PLSCR4: variants seen among roughly 807,000 people sequenced by gnomAD.
PLSCR4 encodes the protein phospholipid scramblase 4.
A neutral mutation model predicts 36.3 loss-of-function variants in PLSCR4; 25 were observed. That is an observed-to-expected ratio of 0.69 (90% CI 0.50 to 0.96). The LOEUF (loss-of-function observed/expected upper bound fraction) is 0.96. Among genes scored for constraint, PLSCR4 ranks in the 40% least tolerant of loss-of-function variants. PLSCR4 has a pLI of 0.00. For missense variants in PLSCR4, 408 were observed against 414.7 expected (o/e 0.98, Z 0.14); for synonymous variants, 122 against 132.9 (o/e 0.92, Z 0.56).
intron 1 of PLSCR4, among the ~76,000 whole-genome samples, chr3:146,237,745 A>T (rs2035976266): frequency 6.6e-6 from 1 of 152,038 alleles, no homozygotes; most frequent in South Asian, 2.1e-4. Context: ...AATAAAAATA[A>T]TTTTAAAGAA....
intron 1 of PLSCR4, among the ~76,000 whole-genome samples, chr3:146,228,707 T>G (rs2035578463): frequency 9.0e-6 from 1 of 111,228 alleles, no homozygotes; most frequent in Non-Finnish European, 2.0e-5. Context: ...TAGTGTTCAT[T>G]CTATCAACAT....
intron 3 of PLSCR4, among the ~76,000 whole-genome samples, chr3:146,208,726 C>T (rs986751421): frequency 2.0e-5 from 3 of 152,076 alleles, no homozygotes; most frequent in African/African-American, 7.2e-5. Flanking sequence ...ACCCCTTATT[C>T]CTGCAAGAAT....
In PLSCR4 at chr3:146,206,779, C is replaced by CAA; in HGVS notation, c.119-20_119-19dup. On this transcript the variant is annotated intron_variant, in intron 3 of 8. Coordinates refer to ENST00000354952, the MANE Select transcript of PLSCR4 (RefSeq NM_020353.3). ...AGGGGGTCCTGTGTTCAAAAGAAATCAAAGTGTTATATATTATTAACACTA... is the reference window on the plus strand; with the variant it reads ...AGGGGGTCCTGTGTTCAAAAGAAATCAAAAAGTGTTATATATTATTAACACTA... The CAA allele has an allele frequency of 6.8e-7, 1 of 1,478,972 alleles. No homozygotes were observed. 91.6% of individuals were successfully genotyped at this position (1,478,972 alleles called of 1,614,324 possible).
At chr3:146,213,460 T>C (rs1481872507) in intron 3 of PLSCR4, among the ~76,000 whole-genome samples, 2 of 151,486 alleles carry the variant, frequency 1.3e-5, no homozygotes, top group East Asian at 3.9e-4. Context: ...GTGTCCCAAG[T>C]AGCTGGGATT....
chr3:146,206,824 C>T, intron 3 of PLSCR4, 63 bp from the exon 4 acceptor site: 1 of 1,027,754 alleles, frequency 9.7e-7, no homozygotes, highest in Admixed American at 2.3e-5. Flanking sequence ...TAACTTTTTA[C>T]ATGCGATGAA....
chr3:146,221,472 A>C (rs765025573), intron 2 of PLSCR4, among the ~76,000 whole-genome samples: 10 of 152,190 alleles, frequency 6.6e-5, no homozygotes, highest in African/African-American at 1.9e-4. Context: ...TTCTAAAAGC[A>C]ATCTAGGTCA....
chr3:146,194,767 A>G (rs1438641253), intron 8 of PLSCR4, among the ~76,000 whole-genome samples: 1 of 152,186 alleles, frequency 6.6e-6, no homozygotes. Flanking sequence ...CATCCACTTT[A>G]GAGTTATTTC....
At chr3:146,204,419 C>A (rs1435301847) in intron 4 of PLSCR4, among the ~76,000 whole-genome samples, 1 of 151,934 alleles carries the variant, frequency 6.6e-6, no homozygotes, top group Non-Finnish European at 1.5e-5. Context: ...ACCCTTATCT[C>A]ATTAAAAATT....
In PLSCR4 at chr3:146,210,239, A is replaced by G. The variant is rs2034547754; in HGVS notation, c.119-3478T>C. ...ATATTTTTAATCCACACTTTTTTGA[A>G]TCCATGGATGAAGAATTCACAAATA... On this transcript the variant is annotated intron_variant, in intron 3 of 8. Transcript: ENST00000354952. Among the ~76,000 whole-genome samples the G allele has an allele frequency of 3.3e-5, 5 of 151,958 alleles. No homozygotes were observed. In the South Asian group the frequency reaches 1.0e-3, roughly 32 times the overall value.
At chr3:146,244,059 C>A (rs2036254627) in intron 1 of PLSCR4, among the ~76,000 whole-genome samples, 1 of 152,042 alleles carries the variant, frequency 6.6e-6, no homozygotes, top group Non-Finnish European at 1.5e-5. Context: ...TACTGTTAAG[C>A]ACTTATTTGT....
chr3:146,222,003 AAAT>A, intron 2 of PLSCR4, 59 bp downstream of exon 2: 2 of 1,004,016 alleles, frequency 2.0e-6, no homozygotes, highest in African/African-American at 1.7e-5. Context: ...CCTTTAGGGA[AAAT>A]AATCACAAAA....
intron 7 of PLSCR4, 70 bp downstream of exon 7, chr3:146,196,562 C>G (rs1426530105): frequency 2.8e-6 from 4 of 1,448,838 alleles, no homozygotes; most frequent in Non-Finnish European, 3.9e-6. Context: ...ATGTCTACAA[C>G]CAGATCTTTC....
chr3:146,243,495 G>A (rs75085542), intron 1 of PLSCR4, among the ~76,000 whole-genome samples: 2,562 of 152,266 alleles, frequency 0.017, 77 homozygotes, highest in African/African-American at 0.058. Flanking sequence ...ATAAAATGCT[G>A]TATAGACTAA....
At chr3:146,208,150 T>C (rs1318222273) in intron 3 of PLSCR4, among the ~76,000 whole-genome samples, 3 of 152,088 alleles carry the variant, frequency 2.0e-5, no homozygotes, top group African/African-American at 7.2e-5. Flanking sequence ...AACTGATCTT[T>C]GACAAAGCAA....
Position 146,234,375 on chromosome 3 carries a change from T to C in PLSCR4, c.-21-12283A>G, listed in dbSNP as rs74603091. On this transcript the variant is annotated intron_variant, in intron 1 of 8. Transcript: ENST00000354952. ...TGGAAAATTCACAGTTTTTAAAAAATTTTTTTTATTTTCTCCATTCTGTCA... is the reference window on the plus strand; with the variant it reads ...TGGAAAATTCACAGTTTTTAAAAAACTTTTTTTATTTTCTCCATTCTGTCA... Among the ~76,000 whole-genome samples, 577 of 152,120 alleles carry C rather than the reference T, an allele frequency of 3.8e-3. 1 individual carries two copies. Among genetic ancestry groups the C allele is most frequent in the Non-Finnish European group, 6.2e-3 (425 of 68,004 alleles).
rs972205922 is a variant in PLSCR4, at chr3:146,192,481, A to G, written c.*1930T>C. On this transcript the variant is annotated 3_prime_UTR_variant, in exon 9 of 9. Transcript: ENST00000354952. ...CATTAAGAAACATAGAAATCATGTGAATTGTATTAAAACTATGACATATGA... is the reference window on the plus strand; with the variant it reads ...CATTAAGAAACATAGAAATCATGTGGATTGTATTAAAACTATGACATATGA... The G allele has an allele frequency of 2.6e-5, 4 of 151,406 alleles. No individual in the cohort carries two copies. The highest frequency in any genetic ancestry group is 4.4e-5 in the Non-Finnish European group (3 of 67,818). 9.4% of individuals were successfully genotyped at this position (151,406 alleles called of 1,614,324 possible). A position where few individuals can be genotyped will look rare whatever the true frequency, so the allele number is the denominator to read the frequency against.
chr3:146,199,966 G>C lies in PLSCR4; in HGVS notation c.471C>G (p.Thr157=). 1 of 1,613,146 alleles carries C rather than the reference G, an allele frequency of 6.2e-7. No homozygotes were observed. The highest frequency in any genetic ancestry group is 8.5e-7 in the Non-Finnish European group (1 of 1,179,402). The change falls in exon 6 of 9, where the codon ACC becomes ACG. Residue 157 remains threonine, a synonymous_variant. Coordinates refer to ENST00000354952, the MANE Select transcript of PLSCR4 (RefSeq NM_020353.3). ...TCCTGGTAAAGTCATCTGTGTCTTC[G>C]GTTACAATGTAAACCATCTGGTCTG... ...NNSDQMVYIV[T]EDTDDFTRNA...
chr3:146,231,608 T>C (rs1167195863), intron 1 of PLSCR4, among the ~76,000 whole-genome samples: 1 of 152,206 alleles, frequency 6.6e-6, no homozygotes, highest in African/African-American at 2.4e-5. Context: ...TCTCTGATGA[T>C]TACTGATGCT....
At chr3:146,217,566 GA>G (rs1230577610) in intron 3 of PLSCR4, among the ~76,000 whole-genome samples, 2 of 152,210 alleles carry the variant, frequency 1.3e-5, no homozygotes, top group East Asian at 3.9e-4. Flanking sequence ...GGTCTGGCTA[GA>G]AGGCAAGGAA....
Sources: gnomAD v4.1 joint callset for allele counts (sites outside exome capture counted in the v4.1 genomes callset) on GRCh38, gnomAD v4.1.1 for gene constraint, MANE v1.5 for transcripts, NCBI Gene and HGNC (gene_info 2026-07-23, HGNC 2026-07-21) for gene names.